The following STXBP6 variants were observed in gnomAD, a reference collection of about 807,000 sequenced individuals.
STXBP6 encodes the protein syntaxin-binding protein 6.
In STXBP6, 21 loss-of-function variants were observed where a neutral mutation model predicts 26.9. The observed-to-expected ratio is 0.78, with a 90% CI of 0.55 to 1.12. The LOEUF is 1.12. Among genes scored for constraint, STXBP6 ranks in the 50% most tolerant of loss-of-function variants. The pLI is 0.00. For synonymous variants in STXBP6, 97 were observed against 92.6 expected, an observed-to-expected ratio of 1.05 and a Z score of -0.27; for missense variants, 232 against 257.9, an observed-to-expected ratio of 0.90 and a Z score of 0.69.
intron 1 of STXBP6, among the ~76,000 whole-genome samples, chr14:25,015,899 T>A (rs1296733686): frequency 6.6e-6 from 1 of 151,998 alleles, no homozygotes; most frequent in African/African-American, 2.4e-5. Context: ...CAACTCAACA[T>A]ATGGCAGTGT....
At chr14:24,874,669 T>A (rs533313893) in intron 2 of STXBP6, among the ~76,000 whole-genome samples, 1 of 152,162 alleles carries the variant, frequency 6.6e-6, no homozygotes, top group African/African-American at 2.4e-5. Flanking sequence ...AAGTGACTAT[T>A]TTTCAGATAT....
intron 2 of STXBP6, among the ~76,000 whole-genome samples, chr14:24,904,513 C>A (rs1425128646): frequency 6.6e-6 from 1 of 152,120 alleles, no homozygotes; most frequent in African/African-American, 2.4e-5. Context: ...TGTGTCCCCC[C>A]AAAAATTCAG....
chr14:24,926,147 C>T (rs10150946), intron 2 of STXBP6, among the ~76,000 whole-genome samples: 34,607 of 151,894 alleles, frequency 0.23, 4,067 homozygotes, highest in African/African-American at 0.28. Context: ...TCTTTCTTAC[C>T]ACCTTTCTTT....
At chr14:24,827,719 C>G (rs2068330390) in intron 4 of STXBP6, among the ~76,000 whole-genome samples, 1 of 152,178 alleles carries the variant, frequency 6.6e-6, no homozygotes, top group Admixed American at 6.5e-5. Flanking sequence ...TCTCTAAGTC[C>G]TCTAGTACCT....
chr14:24,995,126 C>G (rs1300346780), intron 1 of STXBP6: 1 of 152,226 alleles, frequency 6.6e-6, no homozygotes, highest in Non-Finnish European at 1.5e-5. Context: ...ATCAAGGCAT[C>G]AGCAGATTTG....
chr14:24,965,565 C>T (rs373065168), intron 2 of STXBP6, among the ~76,000 whole-genome samples: 18 of 152,132 alleles, frequency 1.2e-4, no homozygotes, highest in African/African-American at 4.3e-4. Flanking sequence ...AGCTGAATAC[C>T]TTCCACATAT....
At chr14:25,006,216 A>T (rs2074895230) in intron 1 of STXBP6, among the ~76,000 whole-genome samples, 1 of 152,094 alleles carries the variant, frequency 6.6e-6, no homozygotes, top group Admixed American at 6.5e-5. Flanking sequence ...CACTGTGGTC[A>T]CCCCTTTGCT....
In STXBP6 at chr14:25,044,907, G is replaced by C. The variant is rs553709805; in HGVS notation, c.-33+4971C>G. Among the ~76,000 whole-genome samples, 5 of 152,314 alleles carry C rather than the reference G, an allele frequency of 3.3e-5. No homozygotes were observed. The East Asian group carries it at 9.7e-4, about 29-fold the overall frequency. ...CCTAAAATGTCCCTTATCTATCAAA[G>C]AGTGCTACCCACCATTTATATTATC... is the stretch of plus-strand genomic sequence containing the variant. On this transcript the variant is annotated intron_variant, in intron 1 of 5. Coordinates refer to ENST00000323944, the MANE Select transcript of STXBP6 (RefSeq NM_001394410.1).
At chr14:25,020,715 G>A (rs1027440267) in intron 1 of STXBP6, among the ~76,000 whole-genome samples, 1 of 152,094 alleles carries the variant, frequency 6.6e-6, no homozygotes, top group Non-Finnish European at 1.5e-5. Context: ...AACCATTTGG[G>A]CCTCATCAGA....
rs548167438 is a variant in STXBP6, at chr14:24,956,956, C to T, written c.154+17709G>A. Among the ~76,000 whole-genome samples, 8 of 152,278 alleles carry T rather than the reference C, an allele frequency of 5.3e-5. No individual in the cohort carries two copies. In the East Asian group the frequency reaches 1.5e-3, roughly 29 times the overall value. The stretch of plus-strand genomic sequence containing the variant: ...CGTATTCTTGAGGCTCCTAAGCTCC[C>T]TGAAGACGGAGTCACATTTTGCATA... On this transcript the variant is annotated intron_variant, in intron 2 of 5. Coordinates refer to ENST00000323944, the MANE Select transcript of STXBP6 (RefSeq NM_001394410.1).
chr14:25,044,622 T>C lies in STXBP6; in HGVS notation c.-33+5256A>G, dbSNP rs566549633. 1.3e-4 allele frequency among the ~76,000 whole-genome samples: 20 copies of C among 152,350 alleles called. No individual in the cohort carries two copies. The East Asian group carries it at 3.3e-3, about 25-fold the overall frequency. On this transcript the variant is annotated intron_variant, in intron 1 of 5. Transcript: ENST00000323944. ...GAATTTACAGAATCAAAAAACTTTTTGTTTTGTTTTTGGGACAGGATATTA... is the reference window on the plus strand; with the variant it reads ...GAATTTACAGAATCAAAAAACTTTTCGTTTTGTTTTTGGGACAGGATATTA...
At chr14:24,916,325 TG>T (rs1344337590) in intron 2 of STXBP6, among the ~76,000 whole-genome samples, 1 of 152,146 alleles carries the variant, frequency 6.6e-6, no homozygotes, top group Non-Finnish European at 1.5e-5. Context: ...ATCAGCCAGT[TG>T]GACGCTGTGC....
At chr14:24,949,915 C>T (rs1217497180) in intron 2 of STXBP6, among the ~76,000 whole-genome samples, 2 of 152,136 alleles carry the variant, frequency 1.3e-5, no homozygotes, top group African/African-American at 4.8e-5. Context: ...GGCTGTTCTG[C>T]ACCTCACTTC....
At chr14:25,027,695 C>T (rs564664884) in intron 1 of STXBP6, among the ~76,000 whole-genome samples, 19 of 152,316 alleles carry the variant, frequency 1.2e-4, no homozygotes, top group African/African-American at 4.1e-4. Flanking sequence ...GAAACGATTA[C>T]GCTTAGTGAA....
At chr14:25,000,144 G>T (rs541109095) in intron 1 of STXBP6, among the ~76,000 whole-genome samples, 3 of 151,664 alleles carry the variant, frequency 2.0e-5, no homozygotes, top group Non-Finnish European at 4.4e-5. Context: ...CTCACTGCAA[G>T]CTCCACCTCC....
intron 2 of STXBP6, among the ~76,000 whole-genome samples, chr14:24,928,382 C>CTTTTT (rs57471170): frequency 6.6e-6 from 1 of 150,410 alleles, no homozygotes. Context: ...GTTTGTTTTG[C>CTTTTT]TTTTTTTTTG....
intron 1 of STXBP6, among the ~76,000 whole-genome samples, chr14:25,021,000 C>T (rs1387462432): frequency 6.6e-6 from 1 of 152,114 alleles, no homozygotes; most frequent in Non-Finnish European, 1.5e-5. Context: ...GCAACCCTAC[C>T]ACATTTCTCT....
Position 25,019,906 on chromosome 14 carries a change from T to C in STXBP6, c.-33+29972A>G, listed in dbSNP as rs1401560149. 2.7e-5 allele frequency among the ~76,000 whole-genome samples: 4 copies of C among 148,802 alleles called. No individual in the cohort carries two copies. The Admixed American group carries it at 2.7e-4, about 10-fold the overall frequency. ...TTTTTGGTGAGTCTTTCAAACTCCT[T>C]TCCCTCTCAAGTATAAAAAATGCTG... is the stretch of plus-strand genomic sequence containing the variant. On this transcript the variant is annotated intron_variant, in intron 1 of 5. Coordinates refer to ENST00000323944, the MANE Select transcript of STXBP6 (RefSeq NM_001394410.1).
At chr14:24,851,904 C>G (rs748312891) in intron 4 of STXBP6, among the ~76,000 whole-genome samples, 9 of 152,144 alleles carry the variant, frequency 5.9e-5, no homozygotes, top group Non-Finnish European at 1.2e-4. Context: ...GGTCCAGATA[C>G]AGCTGTGAAA....
Sources: gnomAD v4.1 joint callset for allele counts (sites outside exome capture counted in the v4.1 genomes callset) on GRCh38, gnomAD v4.1.1 for gene constraint, MANE v1.5 for transcripts, NCBI Gene and HGNC (gene_info 2026-07-23, HGNC 2026-07-21) for gene names.